ZFP3: variants seen among roughly 807,000 people sequenced by gnomAD.
ZFP3 encodes zinc finger protein 3 homolog.
Under a neutral mutation model 36.7 loss-of-function variants are expected in ZFP3, and 18 were observed. The ratio of observed to expected loss-of-function variants is 0.49; its 90% CI spans 0.34 to 0.73. The LOEUF (loss-of-function observed/expected upper bound fraction) is 0.73, where lower values mean the gene tolerates loss of function less well. Ranked by LOEUF, ZFP3 falls within the 30% of genes least tolerant of loss-of-function variation. ZFP3 has a pLI of 0.01. For synonymous variants in ZFP3, 218 were observed against 199.0 expected, an observed-to-expected ratio of 1.10 and a Z score of -0.81; for missense variants, 495 against 599.0, an observed-to-expected ratio of 0.83 and a Z score of 1.81.
In ZFP3 at chr17:5,093,107, C is replaced by A; in HGVS notation, c.*94C>A. 1.5e-6 allele frequency: 2 copies of A among 1,303,992 alleles called. No homozygotes were observed. Among genetic ancestry groups the A allele is most frequent in the Non-Finnish European group, 2.1e-6 (2 of 959,824 alleles). 80.8% of individuals were successfully genotyped at this position (1,303,992 alleles called of 1,614,324 possible). On this transcript the variant is annotated 3_prime_UTR_variant, in exon 2 of 2. Transcript: ENST00000318833. ...AATATGCACCCCAAGTATTCAAATC[C>A]AATGAATGGACAGAACCTCCTCTGT...
Position 5,091,930 on chromosome 17 carries a change from A to G in ZFP3, c.426A>G (p.Thr142=), listed in dbSNP as rs1422405913. The part of the protein sequence containing the change: ...QRSSVGEKPH[T]CKECGKAFNQ... The stretch of plus-strand genomic sequence containing the variant: ...GTTCTGTGGGAGAAAAGCCTCATAC[A>G]TGTAAAGAATGTGGGAAAGCCTTTA... Residue 142 remains threonine, a synonymous_variant, in exon 2 of 2, where the codon ACA becomes ACG. Coordinates refer to ENST00000318833, the MANE Select transcript of ZFP3 (RefSeq NM_153018.3). 1.9e-6 allele frequency: 3 copies of G among 1,614,212 alleles called. No homozygotes were observed. The highest frequency in any genetic ancestry group is 2.2e-5 in the East Asian group (1 of 44,884).
intron 1 of ZFP3, among the ~76,000 whole-genome samples, chr17:5,084,841 T>C (rs1220088033): frequency 6.6e-6 from 1 of 152,240 alleles, no homozygotes; most frequent in East Asian, 1.9e-4. Context: ...GAATTTAGGC[T>C]ATGAGAAGTG....
chr17:5,082,952 T>G (rs2072101884), intron 1 of ZFP3, among the ~76,000 whole-genome samples: 1 of 152,206 alleles, frequency 6.6e-6, no homozygotes, highest in Non-Finnish European at 1.5e-5. Context: ...TACAAGAGAT[T>G]GCTGTAAATG....
In ZFP3 at chr17:5,087,077, A is replaced by ATTTT. The variant is rs35379036; in HGVS notation, c.-8-4402_-8-4399dup. Among the ~76,000 whole-genome samples, 36 of 101,542 alleles carry ATTTT rather than the reference A, an allele frequency of 3.5e-4. 1 individual carries two copies. Among genetic ancestry groups the ATTTT allele is most frequent in the African/African-American group, 1.0e-3 (26 of 25,780 alleles). The allele number at this position is 101,542 out of a possible 152,430, so 66.6% of individuals were successfully genotyped here. A position where few individuals can be genotyped will look rare whatever the true frequency, so the allele number is the denominator to read the frequency against. On this transcript the variant is annotated intron_variant, in intron 1 of 1. Transcript: ENST00000318833. ...TCCTAGCGAATCTCAACTGCATTTG[A>ATTTT]TTTTTTTTTTTTTTTTTTTTTGAGA...
intron 1 of ZFP3, among the ~76,000 whole-genome samples, chr17:5,089,409 C>G (rs1290604371): frequency 6.6e-6 from 1 of 152,160 alleles, no homozygotes; most frequent in Non-Finnish European, 1.5e-5. Context: ...AGGAGATTTC[C>G]TAGTAGTCCC....
Position 5,092,697 on chromosome 17 carries a change from G to T in ZFP3, c.1193G>T (p.Cys398Phe). The change falls in exon 2 of 2, where the codon TGT becomes TTT. Residue 398 changes from cysteine (C) to phenylalanine (F), a missense_variant. Physicochemically the swap from Cys to Phe is radical, Grantham distance 205. Transcript: ENST00000318833. The surrounding 1 kb of genome is among the most constrained non-coding windows in gnomAD (Gnocchi z 5.0). ...GAGAAACCCTATGAATGCTTTGAGT[G>T]TGGAAAGGCTTTCAGGCGGACCTCT... Reference protein sequence around the residue: ...TGEKPYECFECGKAFRRTSHL... With the variant: ...TGEKPYECFEFGKAFRRTSHL... 1 of 1,614,162 alleles carries T rather than the reference G, an allele frequency of 6.2e-7. No individual in the cohort carries two copies. Among genetic ancestry groups the T allele is most frequent in the Non-Finnish European group, 8.5e-7 (1 of 1,180,022 alleles).
Position 5,094,597 on chromosome 17 carries a change from C to G in ZFP3, c.*1584C>G, listed in dbSNP as rs1410548388. On this transcript the variant is annotated 3_prime_UTR_variant, in exon 2 of 2. Coordinates refer to ENST00000318833, the MANE Select transcript of ZFP3 (RefSeq NM_153018.3). Reference sequence around the variant, plus strand: ...ATGAAAGAGTTGAACTAAGTGATCTCAAAAGTTTCAACCAGCCCGATAATT... The same window carrying G: ...ATGAAAGAGTTGAACTAAGTGATCTGAAAAGTTTCAACCAGCCCGATAATT... 6.0e-6 allele frequency: 1 copy of G among 167,084 alleles called. No homozygotes were observed. Among genetic ancestry groups the G allele is most frequent in the African/African-American group, 2.4e-5 (1 of 41,452 alleles). 10.4% of individuals were successfully genotyped at this position (167,084 alleles called of 1,614,324 possible). A position where few individuals can be genotyped will look rare whatever the true frequency, so the allele number is the denominator to read the frequency against.
At position 5,092,360 on chromosome 17, in the gene ZFP3, T is replaced by C; in HGVS notation, c.856T>C (p.Cys286Arg). ...AGAAAGATACCATGAATGCAATGAG[T>C]GTGGCAAAGCCTTCAAGCATAGCTC... ...TEERYHECNE[C>R]GKAFKHSSGL... is the part of the protein sequence containing the mutation. The change falls in exon 2 of 2, where the codon TGT (cysteine) becomes CGT (arginine). Residue 286 changes from cysteine to arginine, a missense_variant. By Grantham distance (180) the Cys-to-Arg change is radical. Transcript: ENST00000318833. This position sits in a 1 kb window ranked among gnomAD's most constrained non-coding sequence, Gnocchi z 5.0. 2 of 1,614,156 alleles carry C rather than the reference T, an allele frequency of 1.2e-6. No individual in the cohort carries two copies. Among genetic ancestry groups the C allele is most frequent in the Non-Finnish European group, 1.7e-6 (2 of 1,180,030 alleles).
At chr17:5,083,961 G>A (rs1340263812) in intron 1 of ZFP3, among the ~76,000 whole-genome samples, 1 of 151,812 alleles carries the variant, frequency 6.6e-6, no homozygotes, top group Non-Finnish European at 1.5e-5. Context: ...CCACCTCCCA[G>A]GTTCAACTGA....
In ZFP3 at chr17:5,094,875, A is replaced by G. The variant is rs1288260120; in HGVS notation, c.*1862A>G. On this transcript the variant is annotated 3_prime_UTR_variant, in exon 2 of 2. Transcript: ENST00000318833. The stretch of plus-strand genomic sequence containing the variant: ...CAGTTGAATGATTTTTAATTTACAT[A>G]GTGGTGCAACCATCAATGATGTGGG... 1 of 167,048 alleles carries G rather than the reference A, an allele frequency of 6.0e-6. No individual in the cohort carries two copies. The highest frequency in any genetic ancestry group is 1.5e-5 in the Non-Finnish European group (1 of 68,124). The allele number at this position is 167,048 out of a possible 1,614,324, so 10.3% of individuals were successfully genotyped here.
rs59140572 is a variant in ZFP3, at chr17:5,087,459, C to T, written c.-8-4038C>T. On this transcript the variant is annotated intron_variant, in intron 1 of 1. Transcript: ENST00000318833. ...TTATTCTGGTTTTTCAGTTTCCCTA[C>T]CATTCTTTATCTTCTTGGCTCATTC... Among the ~76,000 whole-genome samples the T allele has an allele frequency of 8.8e-3, 1,347 of 152,276 alleles. 20 individuals carry two copies. Among genetic ancestry groups the T allele is most frequent in the African/African-American group, 0.031 (1,293 of 41,548 alleles).
Position 5,094,564 on chromosome 17 carries a change from T to G in ZFP3, c.*1551T>G, listed in dbSNP as rs1011861933. ...CACCTGCTGGTCTCCAATTTTCTCCTCTGTAAAATGAAAGAGTTGAACTAA... is the reference window on the plus strand; with the variant it reads ...CACCTGCTGGTCTCCAATTTTCTCCGCTGTAAAATGAAAGAGTTGAACTAA... On this transcript the variant is annotated 3_prime_UTR_variant, in exon 2 of 2. Transcript: ENST00000318833. 6 of 167,088 alleles carry G rather than the reference T, an allele frequency of 3.6e-5. No individual in the cohort carries two copies. Among genetic ancestry groups the G allele is most frequent in the Non-Finnish European group, 5.9e-5 (4 of 68,110 alleles). The allele number at this position is 167,088 out of a possible 1,614,324, so 10.4% of individuals were successfully genotyped here.
In ZFP3 at chr17:5,093,176, T is replaced by A; in HGVS notation, c.*163T>A. 1 of 440 alleles carries A rather than the reference T, an allele frequency of 2.3e-3. No homozygotes were observed. The highest frequency in any genetic ancestry group is 3.2e-3 in the Non-Finnish European group (1 of 316). 0.0% of individuals were successfully genotyped at this position (440 alleles called of 1,614,324 possible). A position where few individuals can be genotyped will look rare whatever the true frequency, so the allele number is the denominator to read the frequency against. On this transcript the variant is annotated 3_prime_UTR_variant, in exon 2 of 2. Coordinates refer to ENST00000318833, the MANE Select transcript of ZFP3 (RefSeq NM_153018.3). ...TAGTTGGTTGAAGAAGATGAGGCAC[T>A]TTTTTTTTTTTTTTTTTAAGCATTG...
At position 5,095,972 on chromosome 17, in the gene ZFP3, T is replaced by G. The variant is rs951323032; in HGVS notation, c.*2959T>G. On this transcript the variant is annotated 3_prime_UTR_variant, in exon 2 of 2. Coordinates refer to ENST00000318833, the MANE Select transcript of ZFP3 (RefSeq NM_153018.3). ...CATATTCCCCGCCCCGCCCCAGATT[T>G]CTGGTGAATGAAATCACTTGTATCT... is the stretch of plus-strand genomic sequence containing the variant. 6.0e-6 allele frequency: 1 copy of G among 167,014 alleles called. No homozygotes were observed. Among genetic ancestry groups the G allele is most frequent in the Admixed American group, 6.6e-5 (1 of 15,254 alleles). The allele number at this position is 167,014 out of a possible 1,614,324, so 10.3% of individuals were successfully genotyped here. A position where few individuals can be genotyped will look rare whatever the true frequency, so the allele number is the denominator to read the frequency against.
chr17:5,093,153 GT>G lies in ZFP3; in HGVS notation c.*142del. On this transcript the variant is annotated 3_prime_UTR_variant, in exon 2 of 2. Transcript: ENST00000318833. ...TCTGTCCTCCCACTGATTTTAAATAGTTGGTTGAAGAAGATGAGGCACTTTT... is the reference window on the plus strand; with the variant it reads ...TCTGTCCTCCCACTGATTTTAAATAGTGGTTGAAGAAGATGAGGCACTTTT... 1 of 845,686 alleles carries G rather than the reference GT, an allele frequency of 1.2e-6. No homozygotes were observed. 52.4% of individuals were successfully genotyped at this position (845,686 alleles called of 1,614,324 possible).
chr17:5,079,672 A>C (rs900823839), intron 1 of ZFP3, among the ~76,000 whole-genome samples: 2 of 152,208 alleles, frequency 1.3e-5, no homozygotes, highest in Non-Finnish European at 2.9e-5. Flanking sequence ...TGAAAAATTA[A>C]TAATGCAGTG....
Position 5,093,733 on chromosome 17 carries a change from A to G in ZFP3, c.*720A>G, listed in dbSNP as rs2072164066. ...ATTAATGAAGAAGCAGGCTCATTTC[A>G]CATCTGTCAGGCTTCCTTATTCATC... On this transcript the variant is annotated 3_prime_UTR_variant, in exon 2 of 2. Transcript: ENST00000318833. 1.2e-5 allele frequency: 2 copies of G among 167,098 alleles called. No individual in the cohort carries two copies. Among genetic ancestry groups the G allele is most frequent in the Admixed American group, 1.3e-4 (2 of 15,286 alleles). 10.4% of individuals were successfully genotyped at this position (167,098 alleles called of 1,614,324 possible). A position where few individuals can be genotyped will look rare whatever the true frequency, so the allele number is the denominator to read the frequency against.
intron 1 of ZFP3, among the ~76,000 whole-genome samples, chr17:5,080,192 G>T (rs1330928302): frequency 6.6e-6 from 1 of 152,152 alleles, no homozygotes; most frequent in African/African-American, 2.4e-5. Context: ...ATATATGGAA[G>T]TATTTTCCTA....
rs151268452 is a variant in ZFP3 at position 5,091,856 on chromosome 17, T to G, written c.352T>G (p.Ser118Ala). 9 of 1,614,190 alleles carry G rather than the reference T, an allele frequency of 5.6e-6. No individual in the cohort carries two copies. Among genetic ancestry groups the G allele is most frequent in the Non-Finnish European group, 7.6e-6 (9 of 1,180,042 alleles). ...TTEGVSAFAT[S>A]GQNFLEILES... ...AGAGGGAGTTAGTGCATTTGCTACC[T>G]CTGGCCAAAACTTCCTAGAGATTTT... Residue 118 changes from serine (S) to alanine (A), a missense_variant, in exon 2 of 2, where the codon TCT becomes GCT. Ser to Ala is a moderately conservative substitution (Grantham distance 99). Transcript: ENST00000318833.
Sources: allele counts gnomAD v4.1 joint callset (sites outside exome capture counted in the v4.1 genomes callset), GRCh38; gene constraint gnomAD v4.1.1; non-coding constraint Gnocchi (gnomAD v3.1); transcripts MANE v1.5; gene names NCBI Gene and HGNC (gene_info 2026-07-23, HGNC 2026-07-21).